The following XRRA1 variants were observed in gnomAD, a reference collection of about 807,000 sequenced individuals.
XRRA1 encodes the protein X-ray radiation resistance-associated protein 1.
A neutral mutation model predicts 80.2 loss-of-function variants in XRRA1; 69 were observed. The observed-to-expected ratio is 0.86, with a 90% CI of 0.71 to 1.05. XRRA1 has a LOEUF of 1.05. Among genes scored for constraint, XRRA1 ranks in the 50% least tolerant of loss-of-function variants. The probability of loss-of-function intolerance (pLI) is 0.00; values close to 1 mark genes in which losing one functional copy is unlikely to be tolerated. For synonymous variants in XRRA1, 348 were observed against 389.9 expected, an observed-to-expected ratio of 0.89 and a Z score of 1.27; for missense variants, 967 against 976.4, an observed-to-expected ratio of 0.99 and a Z score of 0.13.
chr11:74,903,460 T>C (rs2053957485), intron 10 of XRRA1, among the ~76,000 whole-genome samples: 1 of 152,168 alleles, frequency 6.6e-6, no homozygotes, highest in South Asian at 2.1e-4. Context: ...TCCCAACACT[T>C]TGGGAGGCTG....
chr11:74,935,638 T>C (rs1944784221), intron 4 of XRRA1, among the ~76,000 whole-genome samples: 1 of 152,148 alleles, frequency 6.6e-6, no homozygotes, highest in South Asian at 2.1e-4. Context: ...ACTGGGTAGA[T>C]GGTAGTGCCA....
At chr11:74,931,791 A>G (rs535140031) in intron 5 of XRRA1, 4 of 152,352 alleles carry the variant, frequency 2.6e-5, no homozygotes, top group South Asian at 2.1e-4. Context: ...ATATGCTCCT[A>G]TCAAGCTGTG....
In XRRA1 at chr11:74,843,897, G is replaced by A. The variant is rs1236667997; in HGVS notation, c.2106C>T (p.Phe702=). 6.2e-7 allele frequency: 1 copy of A among 1,613,418 alleles called. No individual in the cohort carries two copies. Among genetic ancestry groups the A allele is most frequent in the Admixed American group, 1.7e-5 (1 of 59,944 alleles). The stretch of plus-strand genomic sequence containing the variant: ...TGTTCCGGGGATCCCGCAAGCGAAT[G>A]AAGATGTCATCCAGAAGTTGGGCTC... ...KTRAQLLDDI[F]IRLRDPRNIT... The change falls in exon 18 of 19, where the codon TTC becomes TTT. Residue 702 remains phenylalanine (F), a synonymous_variant. Transcript: ENST00000684022.
At chr11:74,865,935 C>T (rs111651547) in intron 10 of XRRA1, among the ~76,000 whole-genome samples, 5 of 152,204 alleles carry the variant, frequency 3.3e-5, no homozygotes, top group Admixed American at 1.3e-4. Flanking sequence ...TTTAGACCAT[C>T]GCTCAGTGCT....
At chr11:74,920,417 T>C (rs983158012) in intron 8 of XRRA1, among the ~76,000 whole-genome samples, 2 of 152,172 alleles carry the variant, frequency 1.3e-5, no homozygotes, top group African/African-American at 4.8e-5. Flanking sequence ...TAAGCCACAA[T>C]AGAATGTGCT....
At chr11:74,948,740 A>C (rs544318986) in intron 1 of XRRA1, among the ~76,000 whole-genome samples, 188 bp downstream of exon 1, 2 of 152,342 alleles carry the variant, frequency 1.3e-5, no homozygotes, top group East Asian at 3.9e-4. Flanking sequence ...GGCACTCAGT[A>C]AACGCGAGTT....
At chr11:74,927,927 T>C (rs944982548) in intron 6 of XRRA1, among the ~76,000 whole-genome samples, 6 of 152,246 alleles carry the variant, frequency 3.9e-5, no homozygotes, top group Admixed American at 3.9e-4. Context: ...CTTTTTCTCA[T>C]GTATATATCA....
intron 10 of XRRA1, among the ~76,000 whole-genome samples, chr11:74,883,463 AC>A (rs375778245): frequency 0.035 from 5,337 of 151,968 alleles, 322 homozygotes; most frequent in African/African-American, 0.12. Flanking sequence ...TGCAGAAATC[AC>A]CCGTCTTCTG....
chr11:74,881,167 T>G (rs1486416190), intron 10 of XRRA1, among the ~76,000 whole-genome samples: 1 of 150,136 alleles, frequency 6.7e-6, no homozygotes, highest in East Asian at 1.9e-4. Context: ...GCATATATAT[T>G]TAGGATAGTT....
Position 74,921,345 on chromosome 11 carries a change from G to A in XRRA1, c.525C>T (p.Phe175=), listed in dbSNP as rs772867423. 9.9e-6 allele frequency: 16 copies of A among 1,613,906 alleles called. No homozygotes were observed. The highest frequency in any genetic ancestry group is 1.7e-5 in the Admixed American group (1 of 60,024). The change falls in exon 8 of 19, where the codon TTC becomes TTT. Residue 175 remains phenylalanine (F), a splice_region_variant and synonymous_variant. Coordinates refer to ENST00000684022, the MANE Select transcript of XRRA1 (RefSeq NM_001378157.1). ...TCAGGCTGTTGAAGGAAAGGTCCAA[G>A]AACTGCCATGCAAAGATGAAAGATG... The part of the protein sequence containing the change: ...VKYGDFKLLE[F]LDLSFNSLTV...
At chr11:74,896,287 G>A (rs2052299969) in intron 10 of XRRA1, among the ~76,000 whole-genome samples, 2 of 152,226 alleles carry the variant, frequency 1.3e-5, no homozygotes, top group South Asian at 4.1e-4. Context: ...GGCAAGAGAG[G>A]AGTTCACTGC....
In XRRA1 at chr11:74,949,091, T is replaced by C. The variant is rs183479264; in HGVS notation, c.-236A>G. ...GTAACTGCGACGCGACGGCAGACAG[T>C]GTAGGCGGCAACCGACGGCCGGGAC... On this transcript the variant is annotated 5_prime_UTR_variant, in exon 1 of 19. Transcript: ENST00000684022. 2,306 of 530,986 alleles carry C rather than the reference T, an allele frequency of 4.3e-3. 54 individuals carry two copies. Among genetic ancestry groups the C allele is most frequent in the African/African-American group, 0.04 (2,083 of 51,902 alleles). The allele number at this position is 530,986 out of a possible 1,614,324, so 32.9% of individuals were successfully genotyped here. A position where few individuals can be genotyped will look rare whatever the true frequency, so the allele number is the denominator to read the frequency against.
At chr11:74,893,888 A>G (rs1041802738) in intron 10 of XRRA1, among the ~76,000 whole-genome samples, 4 of 152,244 alleles carry the variant, frequency 2.6e-5, no homozygotes, top group Admixed American at 2.0e-4. Context: ...CAGCAATACC[A>G]CTATTGGGTA....
At chr11:74,919,797 G>C in intron 8 of XRRA1, 1 of 423,482 alleles carries the variant, frequency 2.4e-6, no homozygotes, top group South Asian at 2.0e-5. Context: ...GGCTCAACAA[G>C]GCTGTCTGGG....
rs1273447430 is a variant in XRRA1, at chr11:74,936,810, C to G, written c.279+74G>C. 1.3e-5 allele frequency: 19 copies of G among 1,486,048 alleles called. No homozygotes were observed. In the Admixed American group the frequency reaches 4.0e-4, roughly 31 times the overall value. 92.1% of individuals were successfully genotyped at this position (1,486,048 alleles called of 1,614,324 possible). A position where few individuals can be genotyped will look rare whatever the true frequency, so the allele number is the denominator to read the frequency against. ...TAGATTGGGGGTAGTTGTGCCAGAG[C>G]AGGGCAAATCCTTCCCCACTTCCTC... is the stretch of plus-strand genomic sequence containing the variant. On this transcript the variant is annotated intron_variant, in intron 4 of 18. Coordinates refer to ENST00000684022, the MANE Select transcript of XRRA1 (RefSeq NM_001378157.1).
chr11:74,932,266 G>A (rs576295589), intron 5 of XRRA1, among the ~76,000 whole-genome samples: 22 of 152,252 alleles, frequency 1.4e-4, no homozygotes, highest in African/African-American at 5.3e-4. Flanking sequence ...TAACCACAAA[G>A]CTAGCAAGCA....
chr11:74,942,589 C>T (rs1048709535), intron 2 of XRRA1, among the ~76,000 whole-genome samples: 1 of 152,192 alleles, frequency 6.6e-6, no homozygotes, highest in African/African-American at 2.4e-5. Flanking sequence ...AGTCCCAGCC[C>T]TGGCAGACAG....
At chr11:74,928,127 G>GCTATATGAATAAAAGGTAAGAAA (rs1942703271) in intron 6 of XRRA1, among the ~76,000 whole-genome samples, 1 of 152,116 alleles carries the variant, frequency 6.6e-6, no homozygotes, top group Non-Finnish European at 1.5e-5. Flanking sequence ...TAGCCTTTAG[G>GCTATATGAATAAAAGGTAAGAAA]CTATATGAAT....
At chr11:74,889,607 G>C (rs2050086119) in intron 10 of XRRA1, among the ~76,000 whole-genome samples, 1 of 152,130 alleles carries the variant, frequency 6.6e-6, no homozygotes, top group African/African-American at 2.4e-5. Context: ...ACACAGACTG[G>C]CAAATTCGAT....
Sources: gnomAD v4.1 joint callset for allele counts (sites outside exome capture counted in the v4.1 genomes callset) on GRCh38, gnomAD v4.1.1 for gene constraint, MANE v1.5 for transcripts, NCBI Gene and HGNC (gene_info 2026-07-23, HGNC 2026-07-21) for gene names.